The following NBEA variants were observed in gnomAD, a reference collection of about 807,000 sequenced individuals.
NBEA encodes lysosomal-trafficking regulator 2.
NBEA carries 44 observed loss-of-function variants against 343.4 expected under a neutral mutation model. The observed-to-expected ratio is 0.13, with a 90% confidence interval of 0.10 to 0.16. The LOEUF (loss-of-function observed/expected upper bound fraction) is 0.16. Ranked by LOEUF, NBEA falls within the 10% of genes least tolerant of loss-of-function variation. NBEA has a pLI of 1.00. For missense variants in NBEA, 2,555 were observed against 3,631.3 expected (o/e 0.70, Z 7.62); for synonymous variants, 1,175 against 1,238.7 (o/e 0.95, Z 1.08).
intron 34 of NBEA, among the ~76,000 whole-genome samples, chr13:35,261,699 C>G (rs1033723762): frequency 6.6e-6 from 1 of 151,862 alleles, no homozygotes; most frequent in African/African-American, 2.4e-5. Flanking sequence ...TAGTATGTTT[C>G]CAAACTGAAG....
At chr13:35,130,546 C>T (rs190935672) in intron 17 of NBEA, among the ~76,000 whole-genome samples, 5 of 151,788 alleles carry the variant, frequency 3.3e-5, no homozygotes, top group East Asian at 3.9e-4. Flanking sequence ...GTTTCAAATG[C>T]GTATACACTT....
At chr13:35,176,004 T>G (rs1399939653) in intron 27 of NBEA, among the ~76,000 whole-genome samples, 1 of 152,114 alleles carries the variant, frequency 6.6e-6, no homozygotes, top group African/African-American at 2.4e-5. Flanking sequence ...TGCTGTAAAT[T>G]ATGTATTATT....
intron 39 of NBEA, among the ~76,000 whole-genome samples, chr13:35,436,797 T>G (rs2045469457): frequency 1.3e-5 from 2 of 152,198 alleles, no homozygotes; most frequent in South Asian, 4.1e-4. Context: ...AATTTTATAT[T>G]GATCCACATG....
At chr13:35,266,598 T>G (rs1353248135) in intron 34 of NBEA, among the ~76,000 whole-genome samples, 1 of 151,706 alleles carries the variant, frequency 6.6e-6, no homozygotes, top group Non-Finnish European at 1.5e-5. Flanking sequence ...AAGACAAATA[T>G]TGCATCATCT....
At chr13:35,084,242 G>A (rs138323367) in intron 10 of NBEA, among the ~76,000 whole-genome samples, 42 of 152,214 alleles carry the variant, frequency 2.8e-4, no homozygotes, top group African/African-American at 1.0e-3. Flanking sequence ...GACATCTACA[G>A]AACTCTCCAC....
In NBEA at chr13:35,302,325, C is replaced by T. The variant is rs184577920; in HGVS notation, c.5839-7203C>T. 4.0e-3 allele frequency among the ~76,000 whole-genome samples: 616 copies of T among 152,234 alleles called. 4 individuals carry two copies. The highest frequency in any genetic ancestry group is 0.014 in the African/African-American group (596 of 41,542). Reference sequence around the variant, plus strand: ...ATTGAATAAACAAAAACTTTAAACTCCCTTCCTTCAGAAAAGACAATTGGT... The same window carrying T: ...ATTGAATAAACAAAAACTTTAAACTTCCTTCCTTCAGAAAAGACAATTGGT... On this transcript the variant is annotated intron_variant, in intron 35 of 58. Coordinates refer to ENST00000379939, the MANE Select transcript of NBEA (RefSeq NM_001385012.1).
At chr13:35,364,792 A>G (rs996881585) in intron 38 of NBEA, among the ~76,000 whole-genome samples, 1 of 151,806 alleles carries the variant, frequency 6.6e-6, no homozygotes, top group South Asian at 2.1e-4. Context: ...ATAATCCCAA[A>G]TGAGGAGAGG....
intron 24 of NBEA, among the ~76,000 whole-genome samples, chr13:35,168,673 G>GA (rs2070228494): frequency 6.6e-6 from 1 of 151,178 alleles, no homozygotes; most frequent in Non-Finnish European, 1.5e-5. Context: ...TTAATTATAG[G>GA]AAAAGATACT....
At chr13:35,512,593 T>C (rs1297449255) in intron 41 of NBEA, among the ~76,000 whole-genome samples, 2 of 152,240 alleles carry the variant, frequency 1.3e-5, no homozygotes, top group African/African-American at 4.8e-5. Flanking sequence ...CTTTGGTTCC[T>C]TGTACTTTCA....
At chr13:35,507,310 T>A (rs1057476795) in intron 41 of NBEA, among the ~76,000 whole-genome samples, 2 of 151,332 alleles carry the variant, frequency 1.3e-5, no homozygotes, top group African/African-American at 4.9e-5. Context: ...TTCTTGGACC[T>A]TTTTTTTTCT....
intron 32 of NBEA, among the ~76,000 whole-genome samples, chr13:35,209,377 A>G (rs1450386278): frequency 2.6e-5 from 4 of 152,194 alleles, no homozygotes; most frequent in Non-Finnish European, 5.9e-5. Context: ...CCATTGTTTG[A>G]CGTTGAATTA....
intron 38 of NBEA, among the ~76,000 whole-genome samples, chr13:35,426,856 T>G (rs2044712199): frequency 6.6e-6 from 1 of 152,190 alleles, no homozygotes; most frequent in South Asian, 2.1e-4. Context: ...TTTTTATTCT[T>G]TTTTCTCTAA....
chr13:35,489,391 T>C (rs909521564), intron 41 of NBEA, among the ~76,000 whole-genome samples: 1 of 151,860 alleles, frequency 6.6e-6, no homozygotes, highest in Admixed American at 6.6e-5. Context: ...TGTGTATCAG[T>C]CCCAGCTGAC....
At chr13:35,584,186 T>C (rs544457915) in intron 46 of NBEA, 148 bp downstream of exon 46, 5 of 899,102 alleles carry the variant, frequency 5.6e-6, no homozygotes, top group South Asian at 1.6e-5. Context: ...TAGCAAAATA[T>C]GAATTTTTTT....
At chr13:35,151,073 C>G (rs976406789) in intron 18 of NBEA, among the ~76,000 whole-genome samples, 4 of 145,368 alleles carry the variant, frequency 2.8e-5, no homozygotes, top group African/African-American at 1.0e-4. Flanking sequence ...TGAGATTGTT[C>G]TACTGCACTC....
intron 41 of NBEA, among the ~76,000 whole-genome samples, chr13:35,520,538 G>C (rs1345994317): frequency 1.3e-5 from 2 of 152,104 alleles, no homozygotes; most frequent in African/African-American, 4.8e-5. Context: ...GCGAGGAAAA[G>C]GTTAGAGTAT....
intron 1 of NBEA, among the ~76,000 whole-genome samples, chr13:34,980,129 A>T (rs2060308781): frequency 6.6e-6 from 1 of 152,086 alleles, no homozygotes; most frequent in Non-Finnish European, 1.5e-5. Flanking sequence ...GAAATCAGGT[A>T]GTTTAAGTTT....
chr13:35,070,378 G>A, intron 9 of NBEA, among the ~76,000 whole-genome samples: 3 of 151,978 alleles, frequency 2.0e-5, no homozygotes, highest in African/African-American at 7.2e-5. Context: ...TTAGTTGTTA[G>A]ATATAAAAAC....
chr13:35,668,531 C>T lies in NBEA; in HGVS notation c.8813+12C>T. On this transcript the variant is annotated intron_variant, in intron 58 of 58. Coordinates refer to ENST00000379939, the MANE Select transcript of NBEA (RefSeq NM_001385012.1). ...TCCCATGACCAGAGGTGAGCTGCGT[C>T]AAGGACAAGTATCATCACTGAGAAC... 2 of 1,578,738 alleles carry T rather than the reference C, an allele frequency of 1.3e-6. No homozygotes were observed. Among genetic ancestry groups the T allele is most frequent in the Non-Finnish European group, 1.7e-6 (2 of 1,161,622 alleles).
Sources: gnomAD v4.1 joint callset for allele counts (sites outside exome capture counted in the v4.1 genomes callset) on GRCh38, gnomAD v4.1.1 for gene constraint, MANE v1.5 for transcripts, NCBI Gene and HGNC (gene_info 2026-07-23, HGNC 2026-07-21) for gene names.